The following NHSL1 variants were observed in gnomAD, a reference collection of about 807,000 sequenced individuals.
NHSL1 encodes the protein NHS-like protein 1.
A neutral mutation model predicts 95.0 loss-of-function variants in NHSL1; 48 were observed. That is an observed-to-expected ratio of 0.51 (90% CI 0.40 to 0.64). NHSL1 has a LOEUF of 0.64. Ranked by LOEUF, NHSL1 falls within the 30% of genes least tolerant of loss-of-function variation. The probability of loss-of-function intolerance (pLI) is 0.00; values close to 1 mark genes in which losing one functional copy is unlikely to be tolerated. For synonymous variants in NHSL1, 783 were observed against 833.9 expected (o/e 0.94, Z 1.05); for missense variants, 1,971 against 2,077.7 (o/e 0.95, Z 1.00).
chr6:138,511,098 C>T (rs1265702683), intron 1 of NHSL1, among the ~76,000 whole-genome samples: 2 of 152,288 alleles, frequency 1.3e-5, no homozygotes, highest in East Asian at 1.9e-4. Context: ...TAGGTAATGG[C>T]ACTGACTTTG....
intron 1 of NHSL1, among the ~76,000 whole-genome samples, chr6:138,622,457 G>C (rs2046446783): frequency 6.6e-6 from 1 of 152,116 alleles, no homozygotes; most frequent in Non-Finnish European, 1.5e-5. Context: ...CTGCACTCCA[G>C]CCTGGGTGAC....
intron 2 of NHSL1, among the ~76,000 whole-genome samples, chr6:138,476,222 C>T (rs188269515): frequency 8.3e-4 from 126 of 152,248 alleles, no homozygotes; most frequent in Middle Eastern, 3.4e-3. Context: ...CTATTCACAA[C>T]AGCAGAGCTA....
In NHSL1 at chr6:138,433,014, G is replaced by A. The variant is rs1775813990; in HGVS notation, c.1331C>T (p.Ser444Leu). ...GTCTCTGGATTTTATCCTTGCATGT[G>A]ATGAGCCAGAACTTTTACTTTCCCG... ...GQRESKSSGS[S>L]HARIKSRDHL... Residue 444 changes from serine (S) to leucine (L), a missense_variant, in exon 6 of 8, where the codon TCA becomes TTA. Physicochemically the swap from Ser to Leu is moderately radical, Grantham distance 145 (BLOSUM62 -2). This residue lies in a region of NHSL1 where 1,602 missense variants were observed against 1,654.5 expected (regional missense o/e 0.97). Transcript: ENST00000343505. The A allele has an allele frequency of 1.9e-6, 3 of 1,551,608 alleles. No homozygotes were observed. Among genetic ancestry groups the A allele is most frequent in the East Asian group, 2.4e-5 (1 of 40,902 alleles).
chr6:138,508,287 A>G (rs765140918), intron 1 of NHSL1, among the ~76,000 whole-genome samples: 3 of 152,216 alleles, frequency 2.0e-5, no homozygotes, highest in Non-Finnish European at 2.9e-5. Context: ...GCTCTAGTGC[A>G]TGGCTGGGAT....
At chr6:138,457,683 G>C (rs749510787) in intron 3 of NHSL1, among the ~76,000 whole-genome samples, 3 of 151,968 alleles carry the variant, frequency 2.0e-5, no homozygotes, top group Non-Finnish European at 2.9e-5. Context: ...ACACCTACTA[G>C]GAAATACAAA....
chr6:138,548,887 A>G (rs1034119446), upstream of NHSL1, among the ~76,000 whole-genome samples: 4 of 150,678 alleles, frequency 2.7e-5, no homozygotes, highest in African/African-American at 7.3e-5. Context: ...GCCTACTGCC[A>G]TCTCATTAAG....
upstream of NHSL1, chr6:138,545,959 T>C (rs1158302286): frequency 1.5e-5 from 5 of 337,006 alleles, no homozygotes; most frequent in Non-Finnish European, 2.1e-5. Flanking sequence ...CATTTGTTTG[T>C]GCTTCTCTCT....
At chr6:138,636,695 T>G (rs1431521910) in intron 1 of NHSL1, among the ~76,000 whole-genome samples, 2 of 151,934 alleles carry the variant, frequency 1.3e-5, no homozygotes, top group African/African-American at 4.8e-5. Flanking sequence ...TACATAAGAA[T>G]TAACCAAAGA....
chr6:138,653,931 C>G (rs755344211), intron 1 of NHSL1, among the ~76,000 whole-genome samples: 2 of 152,094 alleles, frequency 1.3e-5, no homozygotes, highest in African/African-American at 4.8e-5. Flanking sequence ...TTTCACCAAC[C>G]CAGTGATGCA....
chr6:138,606,576 T>A (rs1784436195), intron 1 of NHSL1, among the ~76,000 whole-genome samples: 1 of 152,208 alleles, frequency 6.6e-6, no homozygotes, highest in African/African-American at 2.4e-5. Context: ...ACCAGCCACC[T>A]AGCATTGTGT....
chr6:138,449,052 CAAA>C (rs545496586), intron 3 of NHSL1, among the ~76,000 whole-genome samples: 7,337 of 88,362 alleles, frequency 0.083, 475 homozygotes, highest in East Asian at 0.42. Context: ...AATTCTGTCT[CAAA>C]AAAAAAAAAA....
chr6:138,652,296 C>G (rs1178122458), intron 1 of NHSL1, among the ~76,000 whole-genome samples: 1 of 151,980 alleles, frequency 6.6e-6, no homozygotes, highest in East Asian at 1.9e-4. Flanking sequence ...ACAAAATTAG[C>G]CAGGCGTGGC....
intron 1 of NHSL1, among the ~76,000 whole-genome samples, chr6:138,540,854 C>T (rs925333617): frequency 6.6e-6 from 1 of 152,188 alleles, no homozygotes; most frequent in African/African-American, 2.4e-5. Context: ...CACTTTTCTG[C>T]TCCATGAAAC....
chr6:138,591,327 G>T (rs141434944), intron 1 of NHSL1, among the ~76,000 whole-genome samples: 28 of 152,198 alleles, frequency 1.8e-4, no homozygotes, highest in Non-Finnish European at 2.9e-5. Context: ...TTTGCTTTCT[G>T]CAGTTGAATT....
At chr6:138,637,335 G>A (rs142262321) in intron 1 of NHSL1, among the ~76,000 whole-genome samples, 193 of 152,214 alleles carry the variant, frequency 1.3e-3, no homozygotes, top group African/African-American at 4.5e-3. Context: ...ATTGGTCTGA[G>A]CAAAAATTTC....
chr6:138,503,614 T>A (rs1252522432), upstream of NHSL1, among the ~76,000 whole-genome samples: 1 of 152,190 alleles, frequency 6.6e-6, no homozygotes, highest in East Asian at 1.9e-4. Context: ...CGGCTACGAC[T>A]AAGACTGTAT....
intron 1 of NHSL1, among the ~76,000 whole-genome samples, chr6:138,628,460 A>T (rs891651695): frequency 1.3e-5 from 2 of 152,192 alleles, no homozygotes; most frequent in African/African-American, 4.8e-5. Context: ...GAGTTACTGT[A>T]TGGAGCTGAA....
At chr6:138,511,863 G>A (rs1282561351) in intron 1 of NHSL1, among the ~76,000 whole-genome samples, 1 of 151,992 alleles carries the variant, frequency 6.6e-6, no homozygotes, top group Non-Finnish European at 1.5e-5. Flanking sequence ...AGCCGAGATT[G>A]CTCCACCGCA....
chr6:138,676,795 C>T (rs144082080), intron 1 of NHSL1, among the ~76,000 whole-genome samples: 102 of 152,270 alleles, frequency 6.7e-4, no homozygotes, highest in African/African-American at 2.4e-3. Flanking sequence ...GCTGGGACTC[C>T]AGGAACATGC....
Sources: allele counts gnomAD v4.1 joint callset (sites outside exome capture counted in the v4.1 genomes callset), GRCh38; gene constraint gnomAD v4.1.1; regional missense constraint gnomAD v4.1.1; transcripts MANE v1.5; gene names NCBI Gene and HGNC (gene_info 2026-07-23, HGNC 2026-07-21).